SHISAL1: variants seen among roughly 807,000 people sequenced by gnomAD.
SHISAL1 encodes protein shisa-like-1.
A neutral mutation model predicts 22.6 loss-of-function variants in SHISAL1; 9 were observed. That is an observed-to-expected ratio of 0.40 (90% CI 0.24 to 0.70). The LOEUF (loss-of-function observed/expected upper bound fraction) is 0.70. Among genes scored for constraint, SHISAL1 ranks in the 30% least tolerant of loss-of-function variants. The probability of loss-of-function intolerance (pLI) is 0.39; values close to 1 mark genes in which losing one functional copy is unlikely to be tolerated. For synonymous variants in SHISAL1, 119 were observed against 115.4 expected, an observed-to-expected ratio of 1.03 and a Z score of -0.20; for missense variants, 246 against 270.6, an observed-to-expected ratio of 0.91 and a Z score of 0.64.
intron 3 of SHISAL1, among the ~76,000 whole-genome samples, chr22:44,295,698 G>GA (rs575281192): frequency 2.7e-4 from 41 of 151,866 alleles, no homozygotes; most frequent in African/African-American, 4.1e-4. Context: ...AAGTAAATAA[G>GA]AAAAAAACAA....
chr22:44,263,028 A>G (rs2055135800), intron 4 of SHISAL1, among the ~76,000 whole-genome samples: 1 of 146,476 alleles, frequency 6.8e-6, no homozygotes, highest in Admixed American at 6.8e-5. Context: ...TGCTGACGGT[A>G]TGCATGTGGG....
chr22:44,284,454 G>A (rs961053799), intron 4 of SHISAL1, among the ~76,000 whole-genome samples: 2 of 152,162 alleles, frequency 1.3e-5, no homozygotes, highest in Non-Finnish European at 2.9e-5. Flanking sequence ...CATGAACCCA[G>A]GGGTCACTGT....
At chr22:44,287,071 TG>T (rs135386) in intron 3 of SHISAL1, among the ~76,000 whole-genome samples, 57,376 of 152,190 alleles carry the variant, frequency 0.38, 11,587 homozygotes, top group Non-Finnish European at 0.45. Flanking sequence ...TGTTTGAGGC[TG>T]GGGGGAAGGG....
chr22:44,304,159 A>C (rs2055453674), intron 1 of SHISAL1, among the ~76,000 whole-genome samples: 2 of 152,174 alleles, frequency 1.3e-5, no homozygotes, highest in African/African-American at 4.8e-5. Flanking sequence ...CAGGGAGAGC[A>C]GAGGGGACAC....
intron 4 of SHISAL1, among the ~76,000 whole-genome samples, chr22:44,254,481 C>CA (rs1462189251): frequency 6.6e-6 from 1 of 152,122 alleles, no homozygotes; most frequent in Non-Finnish European, 1.5e-5. Flanking sequence ...CTGCCCTAGC[C>CA]TCCTGTGTAG....
intron 3 of SHISAL1, among the ~76,000 whole-genome samples, chr22:44,289,607 C>G (rs563904446): frequency 3.8e-4 from 58 of 152,272 alleles, no homozygotes; most frequent in African/African-American, 1.3e-3. Context: ...GCCTGCCTGC[C>G]GGGGGGTGTT....
At chr22:44,266,523 G>GGGGTATGGGTAT (rs368696804) in intron 4 of SHISAL1, among the ~76,000 whole-genome samples, 1 of 72,552 alleles carries the variant, frequency 1.4e-5, no homozygotes, top group East Asian at 3.0e-4. Flanking sequence ...TGGGGGCTTT[G>GGGGTATGGGTAT]GGGTATGTGT....
At chr22:44,288,509 C>G (rs1190789847) in intron 3 of SHISAL1, among the ~76,000 whole-genome samples, 1 of 152,072 alleles carries the variant, frequency 6.6e-6, no homozygotes, top group African/African-American at 2.4e-5. Flanking sequence ...GGTGTGGTGG[C>G]GGGCGCCTGT....
intron 4 of SHISAL1, among the ~76,000 whole-genome samples, chr22:44,280,819 G>T: frequency 6.6e-6 from 1 of 152,186 alleles, no homozygotes; most frequent in Non-Finnish European, 1.5e-5. Flanking sequence ...GCTCAGGCAG[G>T]GGAGGCTCGG....
At chr22:44,282,525 T>C (rs135395) in intron 4 of SHISAL1, among the ~76,000 whole-genome samples, 56,718 of 152,128 alleles carry the variant, frequency 0.37, 11,847 homozygotes, top group Admixed American at 0.48. Context: ...TGGGTGTGTC[T>C]GCAGCTGTCT....
At chr22:44,316,754 C>A (rs1002477972), upstream of SHISAL1, among the ~76,000 whole-genome samples, 18 of 152,314 alleles carry the variant, frequency 1.2e-4, no homozygotes, top group East Asian at 3.5e-3. Context: ...TGCGCGCTAA[C>A]CCATTCCCCA....
chr22:44,286,743 G>A (rs1257820735), intron 3 of SHISAL1, among the ~76,000 whole-genome samples: 2 of 152,174 alleles, frequency 1.3e-5, no homozygotes, highest in Admixed American at 6.5e-5. Flanking sequence ...CAGGGCCAGG[G>A]TCCAAGTCTC....
chr22:44,268,019 G>C (rs550298095), intron 4 of SHISAL1, among the ~76,000 whole-genome samples: 1 of 152,376 alleles, frequency 6.6e-6, no homozygotes, highest in African/African-American at 2.4e-5. Flanking sequence ...TCAACAGGGA[G>C]CTGTGTTGGG....
At chr22:44,282,861 G>A (rs2055286210) in intron 4 of SHISAL1, among the ~76,000 whole-genome samples, 1 of 152,238 alleles carries the variant, frequency 6.6e-6, no homozygotes, top group Admixed American at 6.5e-5. Flanking sequence ...TGTAATGGCT[G>A]TTTGGGTGCC....
chr22:44,271,696 C>A (rs1245102994), intron 4 of SHISAL1, among the ~76,000 whole-genome samples: 2 of 152,254 alleles, frequency 1.3e-5, no homozygotes, highest in Non-Finnish European at 1.5e-5. Context: ...AAAGCCTAAT[C>A]TGGGAGCCGG....
rs1267244889 is a variant in SHISAL1, at chr22:44,255,477, C to T, written c.*-5792G>A. On this transcript the variant is annotated intron_variant, in intron 4 of 4. Transcript: ENST00000381176. ...AGGCCTGGAGTCATCTTTGACCCCT[C>T]TTCTTCCTTTCATACCCCATATCCA... Among the ~76,000 whole-genome samples the T allele has an allele frequency of 2.0e-5, 3 of 152,212 alleles. No homozygotes were observed. In the East Asian group the frequency reaches 5.8e-4, roughly 29 times the overall value.
rs942489748 is a variant in SHISAL1, at chr22:44,310,014, A to T, written c.-33+2737T>A. On this transcript the variant is annotated intron_variant, in intron 1 of 4. Transcript: ENST00000381176. The surrounding 1 kb of genome is among the most constrained non-coding windows in gnomAD (Gnocchi z 4.0). ...GCCAGGACCGAGGCAGCCAGAGTGT[A>T]TGGCTGGAGAAGGACAGAGAAGCAG... is the stretch of plus-strand genomic sequence containing the variant. 6.6e-6 allele frequency among the ~76,000 whole-genome samples: 1 copy of T among 152,168 alleles called. No individual in the cohort carries two copies. Among genetic ancestry groups the T allele is most frequent in the Non-Finnish European group, 1.5e-5 (1 of 68,020 alleles).
chr22:44,323,909 C>A, the SHISAL1 span, among the ~76,000 whole-genome samples: 1 of 152,168 alleles, frequency 6.6e-6, no homozygotes, highest in African/African-American at 2.4e-5. Context: ...ACTATATGCC[C>A]GTCTGCACCA....
the SHISAL1 span, among the ~76,000 whole-genome samples, chr22:44,327,238 GCGCACACACA>G: frequency 4.9e-5 from 5 of 101,160 alleles, no homozygotes; most frequent in African/African-American, 2.0e-4. Flanking sequence ...AGTGGGGGGC[GCGCACACACA>G]CACACACACA....
Sources: gnomAD v4.1 joint callset for allele counts (sites outside exome capture counted in the v4.1 genomes callset) on GRCh38, gnomAD v4.1.1 for gene constraint, Gnocchi (gnomAD v3.1) non-coding constraint, MANE v1.5 for transcripts, NCBI Gene and HGNC (gene_info 2026-07-23, HGNC 2026-07-21) for gene names.